Variants in AKT2 observed in about 807,000 individuals in gnomAD.
AKT2 encodes AKT serine/threonine kinase 2.
A neutral mutation model predicts 58.6 loss-of-function variants in AKT2; 16 were observed. That is an observed-to-expected ratio of 0.27 (90% confidence interval 0.18 to 0.41). The LOEUF (loss-of-function observed/expected upper bound fraction) is 0.41. Among genes scored for constraint, AKT2 ranks in the 10% least tolerant of loss-of-function variants. The pLI is 1.00. For missense variants in AKT2, 438 were observed against 661.0 expected (o/e 0.66, Z 3.70); for synonymous variants, 253 against 254.0 (o/e 1.00, Z 0.04).
intron 1 of AKT2, among the ~76,000 whole-genome samples, chr19:40,277,262 A>T (rs1215370008): frequency 2.0e-5 from 3 of 152,226 alleles, no homozygotes; most frequent in Non-Finnish European, 4.4e-5. Flanking sequence ...ATAATTTCCA[A>T]CATGCCCCTA....
At chr19:40,284,774 T>C (rs959672833) in intron 1 of AKT2, 2 of 157,680 alleles carry the variant, frequency 1.3e-5, no homozygotes, top group Admixed American at 6.5e-5. Flanking sequence ...CCCCTGTAAA[T>C]ACAGCACAGC....
At chr19:40,265,700 T>C (rs960373919) in intron 1 of AKT2, among the ~76,000 whole-genome samples, 1 of 152,128 alleles carries the variant, frequency 6.6e-6, no homozygotes, top group African/African-American at 2.4e-5. Flanking sequence ...GTCATTCCCA[T>C]GGCCCAACAC....
At chr19:40,264,309 C>A (rs892297556) in intron 2 of AKT2, among the ~76,000 whole-genome samples, 1 of 152,186 alleles carries the variant, frequency 6.6e-6, no homozygotes, top group African/African-American at 2.4e-5. Flanking sequence ...GTGGCAGCCA[C>A]TTTGGGACAA....
intron 2 of AKT2, among the ~76,000 whole-genome samples, chr19:40,262,530 G>A (rs538150388): frequency 2.6e-5 from 4 of 152,336 alleles, no homozygotes; most frequent in African/African-American, 9.6e-5. Flanking sequence ...CCAGCACATG[G>A]CATGAGTGAC....
Position 40,234,883 on chromosome 19 carries a change from A to G in AKT2, c.1366+162T>C. 1.3e-6 allele frequency: 1 copy of G among 749,424 alleles called. No homozygotes were observed. Among genetic ancestry groups the G allele is most frequent in the Non-Finnish European group, 2.3e-6 (1 of 427,164 alleles). 46.4% of individuals were successfully genotyped at this position (749,424 alleles called of 1,614,324 possible). A position where few individuals can be genotyped will look rare whatever the true frequency, so the allele number is the denominator to read the frequency against. On this transcript the variant is annotated intron_variant, in intron 13 of 13. Coordinates refer to ENST00000392038, the MANE Select transcript of AKT2 (RefSeq NM_001626.6). The surrounding 1 kb of genome is among the most constrained non-coding windows in gnomAD (Gnocchi z 4.7). ...GGCTCCTGGTGGCCTCACCAGGTCC[A>G]AAGAGGACCAACAGCAAAAGGGCCT...
intron 1 of AKT2, among the ~76,000 whole-genome samples, chr19:40,273,249 G>A (rs1018783505): frequency 2.0e-5 from 3 of 151,758 alleles, no homozygotes; most frequent in Admixed American, 2.0e-4. Context: ...GCTGAGGCAG[G>A]AGAATTGCTT....
Position 40,238,824 on chromosome 19 carries a change from C to T in AKT2, c.708+81G>A. ...CTGAAATTTCCCTCCACCCTTCCAT[C>T]TCACCCACAGCTCCTCTCCATCCCG... On this transcript the variant is annotated intron_variant, in intron 8 of 13. Transcript: ENST00000392038. This position sits in a 1 kb window ranked among gnomAD's most constrained non-coding sequence, Gnocchi z 5.1. The T allele has an allele frequency of 2.1e-6, 3 of 1,455,044 alleles. No individual in the cohort carries two copies. The highest frequency in any genetic ancestry group is 2.9e-6 in the Non-Finnish European group (3 of 1,036,054). 90.1% of individuals were successfully genotyped at this position (1,455,044 alleles called of 1,614,324 possible). A position where few individuals can be genotyped will look rare whatever the true frequency, so the allele number is the denominator to read the frequency against.
At position 40,242,218 on chromosome 19, in the gene AKT2, G is replaced by GTGT. The variant is rs764419881; in HGVS notation, c.442-152_442-150dup. The GTGT allele has an allele frequency of 1.2e-5, 14 of 1,199,632 alleles. No homozygotes were observed. Among genetic ancestry groups the GTGT allele is most frequent in the Admixed American group, 2.0e-5 (1 of 50,936 alleles). 74.3% of individuals were successfully genotyped at this position (1,199,632 alleles called of 1,614,324 possible). The stretch of plus-strand genomic sequence containing the variant: ...AAGGGAGGCTCTGGGCAGCAACTGT[G>GTGT]TGTTCTGAAGCGGCCTTCAGACCAG... On this transcript the variant is annotated intron_variant, in intron 5 of 13. Transcript: ENST00000392038. This position sits in a 1 kb window ranked among gnomAD's most constrained non-coding sequence, Gnocchi z 4.3.
chr19:40,265,298 C>T lies in AKT2; in HGVS notation c.-31G>A, dbSNP rs761268948. On this transcript the variant is annotated 5_prime_UTR_variant, in exon 2 of 14. Coordinates refer to ENST00000392038, the MANE Select transcript of AKT2 (RefSeq NM_001626.6). ...CAGCGTGGTACGCTGTCACCTAGCT[C>T]GGGACAGCTCAGGGCAGCAGGACAT... 3.6e-5 allele frequency: 58 copies of T among 1,609,472 alleles called. No homozygotes were observed. The highest frequency in any genetic ancestry group is 4.2e-5 in the Non-Finnish European group (50 of 1,178,234).
chr19:40,235,376 T>G lies in AKT2; in HGVS notation c.1176-26A>C. The G allele has an allele frequency of 1.2e-6, 2 of 1,611,666 alleles. No homozygotes were observed. Among genetic ancestry groups the G allele is most frequent in the Non-Finnish European group, 8.5e-7 (1 of 1,178,662 alleles). On this transcript the variant is annotated intron_variant, in intron 11 of 13. Coordinates refer to ENST00000392038, the MANE Select transcript of AKT2 (RefSeq NM_001626.6). The surrounding 1 kb of genome is among the most constrained non-coding windows in gnomAD (Gnocchi z 6.3). Reference sequence around the variant, plus strand: ...CTGTGCAGAGACGGCCGTCAGCACCTGCCTCCCGGAGCAGCTGGGTTCGGG... The same window carrying G: ...CTGTGCAGAGACGGCCGTCAGCACCGGCCTCCCGGAGCAGCTGGGTTCGGG...
chr19:40,236,275 C>T lies in AKT2; in HGVS notation c.942G>A (p.Pro314=), dbSNP rs769995176. 2 of 1,613,878 alleles carry T rather than the reference C, an allele frequency of 1.2e-6. No homozygotes were observed. The highest frequency in any genetic ancestry group is 2.7e-5 in the African/African-American group (2 of 74,926). ...GATMKTFCGT[P]EYLAPEVLED... ...CAGACACCTCAGGCGCCAGGTACTC[C>T]GGGGTCCCACAGAAGGTTTTCATGG... Residue 314 remains proline (P), a synonymous_variant, in exon 10 of 14, where the codon CCG becomes CCA. Coordinates refer to ENST00000392038, the MANE Select transcript of AKT2 (RefSeq NM_001626.6).
chr19:40,267,562 T>C (rs1365749905), intron 1 of AKT2, among the ~76,000 whole-genome samples: 1 of 152,182 alleles, frequency 6.6e-6, no homozygotes, highest in African/African-American at 2.4e-5. Flanking sequence ...TTGTGCACCC[T>C]CGGAGCAACC....
Position 40,235,996 on chromosome 19 carries a change from G to T in AKT2, c.1069C>A (p.Arg357Ser). 1 of 1,614,110 alleles carries T rather than the reference G, an allele frequency of 6.2e-7. No individual in the cohort carries two copies. ...RLPFYNQDHE[R>S]LFELILMEEI... ...TCCATGAGGATGAGCTCGAAGAGGC[G>T]CTCGTGGTCCTGGTTGTAGAAGGGC... The change falls in exon 11 of 14, where the codon CGC becomes AGC. Residue 357 changes from arginine (R) to serine (S), a missense_variant. Arg to Ser is a moderately radical substitution (Grantham distance 110, BLOSUM62 -1). Coordinates refer to ENST00000392038, the MANE Select transcript of AKT2 (RefSeq NM_001626.6). The surrounding 1 kb of genome is among the most constrained non-coding windows in gnomAD (Gnocchi z 6.3).
intron 1 of AKT2, among the ~76,000 whole-genome samples, chr19:40,271,010 C>T (rs2077201490): frequency 6.7e-6 from 1 of 149,932 alleles, no homozygotes; most frequent in Non-Finnish European, 1.5e-5. Flanking sequence ...AAAACTGTGT[C>T]TCAAAAAACA....
At chr19:40,266,967 A>G (rs1301579647) in intron 1 of AKT2, among the ~76,000 whole-genome samples, 2 of 152,124 alleles carry the variant, frequency 1.3e-5, no homozygotes, top group Non-Finnish European at 2.9e-5. Context: ...GTCTCAAAAA[A>G]TATATAAATA....
At chr19:40,278,550 G>A (rs1057133556) in intron 1 of AKT2, among the ~76,000 whole-genome samples, 24 of 152,076 alleles carry the variant, frequency 1.6e-4, no homozygotes, top group African/African-American at 5.8e-4. Context: ...GGTTGGGCAG[G>A]AGTACAGTGG....
At chr19:40,254,068 A>T (rs1396662552) in intron 4 of AKT2, among the ~76,000 whole-genome samples, 1 of 151,866 alleles carries the variant, frequency 6.6e-6, no homozygotes, top group Non-Finnish European at 1.5e-5. Context: ...ACTGGGGGGC[A>T]GGGAGGTGGA....
rs1974434294 is a variant in AKT2, at chr19:40,241,945, A to G, written c.566T>C (p.Ile189Thr). 1 of 1,614,016 alleles carries G rather than the reference A, an allele frequency of 6.2e-7. No homozygotes were observed. The highest frequency in any genetic ancestry group is 8.5e-7 in the Non-Finnish European group (1 of 1,180,028). Reference protein sequence around the residue: ...AMKILRKEVIIAKDEVAHTVT... With the variant: ...AMKILRKEVITAKDEVAHTVT... ...AATTCCCGGGGCACGCACCTTGGCAATGATGACTTCCTTCCGCAGGATCTT... is the reference window on the plus strand; with the variant it reads ...AATTCCCGGGGCACGCACCTTGGCAGTGATGACTTCCTTCCGCAGGATCTT... The change falls in exon 6 of 14, where the codon ATT becomes ACT. Residue 189 changes from isoleucine to threonine, a missense_variant. Coordinates refer to ENST00000392038, the MANE Select transcript of AKT2 (RefSeq NM_001626.6).
chr19:40,241,694 G>A (rs1406832478), intron 6 of AKT2: 2 of 559,250 alleles, frequency 3.6e-6, no homozygotes, highest in African/African-American at 3.8e-5. Flanking sequence ...GCTGGGTGGG[G>A]CCCCGAGGCT....
Sources: allele counts gnomAD v4.1 joint callset (sites outside exome capture counted in the v4.1 genomes callset), GRCh38; gene constraint gnomAD v4.1.1; non-coding constraint Gnocchi (gnomAD v3.1); transcripts MANE v1.5; gene names NCBI Gene and HGNC (gene_info 2026-07-23, HGNC 2026-07-21).